PAPOLA: variants seen among roughly 807,000 people sequenced by gnomAD.
PAPOLA encodes poly(A) polymerase alpha, also known as polynucleotide adenylyltransferase alpha.
A neutral mutation model predicts 100.6 loss-of-function variants in PAPOLA; 15 were observed. The ratio of observed to expected loss-of-function variants is 0.15; its 90% CI spans 0.10 to 0.23. The LOEUF (loss-of-function observed/expected upper bound fraction) is 0.23. Among genes scored for constraint, PAPOLA ranks in the 10% least tolerant of loss-of-function variants. The pLI, the probability that PAPOLA is intolerant of heterozygous loss-of-function variation, is 1.00. For synonymous variants in PAPOLA, 293 were observed against 300.0 expected, an observed-to-expected ratio of 0.98 and a Z score of 0.24; for missense variants, 533 against 884.2, an observed-to-expected ratio of 0.60 and a Z score of 5.04.
Position 96,565,240 on chromosome 14 carries a change from A to G in PAPOLA, c.*190A>G, listed in dbSNP as rs561155088. On this transcript the variant is annotated 3_prime_UTR_variant, in exon 22 of 22. Coordinates refer to ENST00000216277, the MANE Select transcript of PAPOLA (RefSeq NM_032632.5). ...GTTAGTATGTGAAGCCAGGAGTACT[A>G]TTATTATTGTGTTAGCAACAGTTGC... The G allele has an allele frequency of 1.9e-4, 94 of 489,082 alleles. No homozygotes were observed. Among genetic ancestry groups the G allele is most frequent in the Middle Eastern group, 1.1e-3 (2 of 1,868 alleles). 30.3% of individuals were successfully genotyped at this position (489,082 alleles called of 1,614,324 possible).
Position 96,542,813 on chromosome 14 carries a change from A to G in PAPOLA, c.1209A>G (p.Gly403=), listed in dbSNP as rs1227732336. ...LVESKIRILV[G]SLEKNEFITL... Reference sequence around the variant, plus strand: ...AATCAAAAATCCGAATCCTGGTTGGAAGCTTGGAGAAGAATGAATTTATTA... The same window carrying G: ...AATCAAAAATCCGAATCCTGGTTGGGAGCTTGGAGAAGAATGAATTTATTA... Residue 403 remains glycine (G), a synonymous_variant, in exon 14 of 22, where the codon GGA becomes GGG. Transcript: ENST00000216277. 1 of 1,612,190 alleles carries G rather than the reference A, an allele frequency of 6.2e-7. No homozygotes were observed. Among genetic ancestry groups the G allele is most frequent in the Non-Finnish European group, 8.5e-7 (1 of 1,179,424 alleles).
rs965288469 is a variant in PAPOLA at position 96,542,699 on chromosome 14, C to T, written c.1170-75C>T. ...TGGGAGTTCAGCTAGTTGAAATGCCCTGGTATGTGCATTTTATTTATTTAT... is the reference window on the plus strand; with the variant it reads ...TGGGAGTTCAGCTAGTTGAAATGCCTTGGTATGTGCATTTTATTTATTTAT... On this transcript the variant is annotated intron_variant, in intron 13 of 21. Transcript: ENST00000216277. 20 of 1,380,810 alleles carry T rather than the reference C, an allele frequency of 1.4e-5. No homozygotes were observed. In the African/African-American group the frequency reaches 1.5e-4, roughly 10 times the overall value. The allele number at this position is 1,380,810 out of a possible 1,614,324, so 85.5% of individuals were successfully genotyped here. A position where few individuals can be genotyped will look rare whatever the true frequency, so the allele number is the denominator to read the frequency against.
At chr14:96,503,668 T>G (rs1896501895) in intron 1 of PAPOLA, among the ~76,000 whole-genome samples, 1 of 152,190 alleles carries the variant, frequency 6.6e-6, no homozygotes, top group African/African-American at 2.4e-5. Context: ...AACATGTAAT[T>G]GACACTCAAA....
At chr14:96,525,772 A>G (rs890467486) in intron 4 of PAPOLA, among the ~76,000 whole-genome samples, 1 of 152,172 alleles carries the variant, frequency 6.6e-6, no homozygotes, top group Non-Finnish European at 1.5e-5. Context: ...AAATAAATAA[A>G]TTAAAAACTC....
At chr14:96,503,871 A>G (rs1278494820) in intron 1 of PAPOLA, among the ~76,000 whole-genome samples, 1 of 152,104 alleles carries the variant, frequency 6.6e-6, no homozygotes, top group Non-Finnish European at 1.5e-5. Context: ...GACCTTAATG[A>G]CTTCTATCGC....
At chr14:96,506,342 T>C (rs766731218) in intron 1 of PAPOLA, among the ~76,000 whole-genome samples, 1 of 152,244 alleles carries the variant, frequency 6.6e-6, no homozygotes, top group African/African-American at 2.4e-5. Context: ...TGTGAAGCTG[T>C]ATACTGGGGA....
intron 9 of PAPOLA, chr14:96,533,748 T>G (rs1453382727): frequency 8.2e-6 from 3 of 365,912 alleles, no homozygotes; most frequent in Non-Finnish European, 7.6e-6. Context: ...AGAGACGAGG[T>G]TTCACTGTGT....
chr14:96,517,370 T>C (rs1349702488), intron 1 of PAPOLA, among the ~76,000 whole-genome samples: 1 of 152,004 alleles, frequency 6.6e-6, no homozygotes, highest in Non-Finnish European at 1.5e-5. Flanking sequence ...AATTTAAGAG[T>C]AGATCTCAGG....
intron 3 of PAPOLA, among the ~76,000 whole-genome samples, chr14:96,523,268 A>G (rs1898154884): frequency 2.0e-5 from 3 of 152,262 alleles, no homozygotes; most frequent in South Asian, 2.1e-4. Flanking sequence ...GATAATAAGT[A>G]TAAACATACT....
Position 96,519,668 on chromosome 14 carries a change from C to T in PAPOLA, c.9-387C>T, listed in dbSNP as rs1016640730. ...AACTTCGTTCATTGTAAGCCAGATG[C>T]CAGGTTTCATTTGGGGAATGTCTTA... On this transcript the variant is annotated intron_variant, in intron 1 of 21. Coordinates refer to ENST00000216277, the MANE Select transcript of PAPOLA (RefSeq NM_032632.5). Among the ~76,000 whole-genome samples the T allele has an allele frequency of 3.9e-5, 6 of 152,240 alleles. No homozygotes were observed. In the East Asian group the frequency reaches 9.6e-4, roughly 24 times the overall value.
At chr14:96,525,799 T>C (rs1017648130) in intron 4 of PAPOLA, among the ~76,000 whole-genome samples, 1 of 152,138 alleles carries the variant, frequency 6.6e-6, no homozygotes, top group Admixed American at 6.5e-5. Context: ...TCAGTAGAGG[T>C]AGCCACATTT....
intron 1 of PAPOLA, among the ~76,000 whole-genome samples, chr14:96,512,425 T>A (rs999493751): frequency 1.3e-5 from 2 of 152,214 alleles, no homozygotes. Flanking sequence ...TTGTAAATGA[T>A]GTGCAGAGGT....
chr14:96,547,996 A>C lies in PAPOLA; in HGVS notation c.1521+78A>C, dbSNP rs532508364. The stretch of plus-strand genomic sequence containing the variant: ...CTGGACTATCATTATTTCAGAATTT[A>C]GGCTCAGTTAATAAGTCATTTTAAA... On this transcript the variant is annotated intron_variant, in intron 16 of 21. Transcript: ENST00000216277. 13 of 1,243,030 alleles carry C rather than the reference A, an allele frequency of 1.0e-5. No individual in the cohort carries two copies. The African/African-American group carries it at 1.8e-4, about 18-fold the overall frequency. The allele number at this position is 1,243,030 out of a possible 1,614,324, so 77.0% of individuals were successfully genotyped here.
Position 96,555,853 on chromosome 14 carries a change from C to A in PAPOLA, c.1671C>A (p.Asn557Lys), listed in dbSNP as rs1188202740. 4 of 1,478,390 alleles carry A rather than the reference C, an allele frequency of 2.7e-6. No homozygotes were observed. Among genetic ancestry groups the A allele is most frequent in the Non-Finnish European group, 1.8e-6 (2 of 1,094,226 alleles). The allele number at this position is 1,478,390 out of a possible 1,614,324, so 91.6% of individuals were successfully genotyped here. A position where few individuals can be genotyped will look rare whatever the true frequency, so the allele number is the denominator to read the frequency against. The change falls in exon 18 of 22, where the codon AAC (asparagine) becomes AAA (lysine). Residue 557 changes from asparagine to lysine, a missense_variant. Asn to Lys is a moderately conservative substitution (Grantham distance 94). Around this residue, in one of 9 missense-constraint regions of PAPOLA, gnomAD observed 242 missense variants for 281.0 expected, o/e 0.86. Coordinates refer to ENST00000216277, the MANE Select transcript of PAPOLA (RefSeq NM_032632.5). ...TTAATTTTTTTTTTTTTAGCAGAAA[C>A]AGTCCTGCTCCAGCTGTAACAGCAG... ...LNSSGSSQGR[N>K]SPAPAVTAAS...
intron 12 of PAPOLA, among the ~76,000 whole-genome samples, chr14:96,540,783 A>G (rs1006373726): frequency 2.0e-5 from 3 of 152,218 alleles, no homozygotes; most frequent in Non-Finnish European, 4.4e-5. Context: ...TGAACTTTAC[A>G]ATACCTCTGC....
intron 1 of PAPOLA, among the ~76,000 whole-genome samples, chr14:96,506,764 G>T (rs1896743383): frequency 6.6e-6 from 1 of 152,176 alleles, no homozygotes; most frequent in African/African-American, 2.4e-5. Flanking sequence ...TTTTCCAAAT[G>T]ACCATTTGTG....
At chr14:96,530,406 T>C (rs972657500) in intron 6 of PAPOLA, among the ~76,000 whole-genome samples, 1 of 151,776 alleles carries the variant, frequency 6.6e-6, no homozygotes, top group Non-Finnish European at 1.5e-5. Flanking sequence ...TTTTTTTTTT[T>C]CTGAGGCAGG....
intron 4 of PAPOLA, chr14:96,526,495 G>C (rs1297399397): frequency 6.6e-6 from 1 of 152,212 alleles, no homozygotes; most frequent in Non-Finnish European, 1.5e-5. Context: ...ACCATGCCTG[G>C]CTAATTTTTT....
chr14:96,543,719 G>A (rs980224378), intron 14 of PAPOLA, among the ~76,000 whole-genome samples: 6 of 151,964 alleles, frequency 3.9e-5, no homozygotes, highest in African/African-American at 1.4e-4. Flanking sequence ...TTCTGTTCAT[G>A]TGGCCTTTTA....
Sources: gnomAD v4.1 joint callset for allele counts (sites outside exome capture counted in the v4.1 genomes callset) on GRCh38, gnomAD v4.1.1 for gene constraint, gnomAD v4.1.1 regional missense constraint, MANE v1.5 for transcripts, NCBI Gene and HGNC (gene_info 2026-07-23, HGNC 2026-07-21) for gene names.